Variants in KCNQ3 observed in about 807,000 individuals in gnomAD.
KCNQ3 encodes potassium voltage-gated channel subfamily Q member 3, also known as potassium voltage-gated channel subfamily KQT member 3.
A neutral mutation model predicts 92.5 loss-of-function variants in KCNQ3; 30 were observed. The observed-to-expected ratio is 0.32, with a 90% CI of 0.24 to 0.44. KCNQ3 has a LOEUF of 0.44. Ranked by LOEUF, KCNQ3 falls within the 20% of genes least tolerant of loss-of-function variation. The pLI is 1.00. For synonymous variants in KCNQ3, 450 were observed against 468.8 expected, an observed-to-expected ratio of 0.96 and a Z score of 0.52; for missense variants, 913 against 1,140.3, an observed-to-expected ratio of 0.80 and a Z score of 2.87.
intron 1 of KCNQ3, among the ~76,000 whole-genome samples, chr8:132,400,990 C>T (rs1820317089): frequency 6.6e-6 from 1 of 152,086 alleles, no homozygotes; most frequent in Non-Finnish European, 1.5e-5. Flanking sequence ...GAGGCCACAG[C>T]CAGCATTCAG....
At chr8:132,184,493 GA>G in intron 2 of KCNQ3, 126 bp from the exon 3 acceptor site, 14 of 715,898 alleles carry the variant, frequency 2.0e-5, no homozygotes, top group South Asian at 2.8e-5. Context: ...GGTTGGCAGG[GA>G]TGGCTGGGGA....
chr8:132,137,743 A>T lies in KCNQ3; in HGVS notation c.1700+142T>A, dbSNP rs987119005. The stretch of plus-strand genomic sequence containing the variant: ...CCGATCTGGTGCTTTGTTGGCCTAG[A>T]CATCCACAAGGCTTCGTGGATATTT... On this transcript the variant is annotated intron_variant, in intron 12 of 14. Coordinates refer to ENST00000388996, the MANE Select transcript of KCNQ3 (RefSeq NM_004519.4). 1.4e-5 allele frequency: 14 copies of T among 1,036,238 alleles called. No individual in the cohort carries two copies. In the Admixed American group the frequency reaches 1.7e-4, roughly 12 times the overall value. 64.2% of individuals were successfully genotyped at this position (1,036,238 alleles called of 1,614,324 possible).
At chr8:132,458,707 AG>A (rs1442601772) in intron 1 of KCNQ3, among the ~76,000 whole-genome samples, 7 of 152,336 alleles carry the variant, frequency 4.6e-5, no homozygotes, top group African/African-American at 1.7e-4. Flanking sequence ...CTCCCGCCTT[AG>A]CCTCCCAAAG....
At chr8:132,334,589 C>G (rs1797851618) in intron 1 of KCNQ3, among the ~76,000 whole-genome samples, 1 of 152,246 alleles carries the variant, frequency 6.6e-6, no homozygotes, top group Non-Finnish European at 1.5e-5. Context: ...CCTAAATGAT[C>G]TCCCCACAGT....
chr8:132,267,899 A>G (rs1294979325), intron 1 of KCNQ3, among the ~76,000 whole-genome samples: 1 of 152,188 alleles, frequency 6.6e-6, no homozygotes, highest in Non-Finnish European at 1.5e-5. Flanking sequence ...CTAGCATGGC[A>G]CAATTGTTAC....
intron 1 of KCNQ3, among the ~76,000 whole-genome samples, chr8:132,379,249 G>T (rs1214673475): frequency 6.6e-6 from 1 of 152,120 alleles, no homozygotes; most frequent in Non-Finnish European, 1.5e-5. Flanking sequence ...CACATTACAT[G>T]GATTGTCTCA....
At position 132,477,145 on chromosome 8, in the gene KCNQ3, G is replaced by A. The variant is rs1480894044; in HGVS notation, c.386+3002C>T. 5.9e-5 allele frequency among the ~76,000 whole-genome samples: 9 copies of A among 152,122 alleles called. No homozygotes were observed. In the South Asian group the frequency reaches 1.0e-3, roughly 18 times the overall value. ...ACCCCTTCCCACCTCCGCCAGCCAC[G>A]CAGAACTGTGAAACAATTAAACTTC... is the stretch of plus-strand genomic sequence containing the variant. On this transcript the variant is annotated intron_variant, in intron 1 of 14. Coordinates refer to ENST00000388996, the MANE Select transcript of KCNQ3 (RefSeq NM_004519.4).
chr8:132,182,075 A>G (rs1434011510), intron 3 of KCNQ3, among the ~76,000 whole-genome samples: 1 of 151,812 alleles, frequency 6.6e-6, no homozygotes, highest in Non-Finnish European at 1.5e-5. Flanking sequence ...AAAACAAAAA[A>G]AAAACACCAA....
chr8:132,409,965 T>G (rs1031577000), intron 1 of KCNQ3, among the ~76,000 whole-genome samples: 1 of 152,168 alleles, frequency 6.6e-6, no homozygotes, highest in Admixed American at 6.5e-5. Flanking sequence ...AAATCTTATT[T>G]TTTAAATGAT....
chr8:132,450,698 G>A (rs139740769), intron 1 of KCNQ3, among the ~76,000 whole-genome samples: 1 of 152,314 alleles, frequency 6.6e-6, no homozygotes, highest in Admixed American at 6.5e-5. Context: ...CCAGAGTCAG[G>A]CCCAATGCAG....
chr8:132,261,713 T>C (rs1019778592), intron 1 of KCNQ3, among the ~76,000 whole-genome samples: 1 of 152,152 alleles, frequency 6.6e-6, no homozygotes, highest in African/African-American at 2.4e-5. Context: ...ACTGTGCATC[T>C]CCATGTTTTC....
chr8:132,275,540 A>G (rs1816297423), intron 1 of KCNQ3, among the ~76,000 whole-genome samples: 1 of 150,498 alleles, frequency 6.6e-6, no homozygotes, highest in Non-Finnish European at 1.5e-5. Flanking sequence ...CCCAAAACGC[A>G]CCTCATGGGA....
intron 1 of KCNQ3, among the ~76,000 whole-genome samples, chr8:132,238,190 G>C (rs1814876663): frequency 6.6e-6 from 1 of 152,118 alleles, no homozygotes; most frequent in Non-Finnish European, 1.5e-5. Context: ...AACAGACTCG[G>C]CGGAGGGGGT....
intron 1 of KCNQ3, among the ~76,000 whole-genome samples, chr8:132,406,523 GCA>G (rs1019034762): frequency 6.8e-6 from 1 of 147,962 alleles, no homozygotes; most frequent in Non-Finnish European, 1.5e-5. Context: ...CAGCACAAAT[GCA>G]CACACACAGA....
intron 1 of KCNQ3, among the ~76,000 whole-genome samples, chr8:132,212,954 T>A (rs968473306): frequency 3.3e-5 from 5 of 152,180 alleles, no homozygotes; most frequent in African/African-American, 9.7e-5. Context: ...CTTCTTCCAG[T>A]CACACCAGGA....
chr8:132,455,496 G>A lies in KCNQ3; in HGVS notation c.386+24651C>T, dbSNP rs1043592977. 2.6e-5 allele frequency among the ~76,000 whole-genome samples: 4 copies of A among 152,174 alleles called. No individual in the cohort carries two copies. The South Asian group carries it at 8.3e-4, about 32-fold the overall frequency. ...ATAAGAGGCCTATGCTTCTTCTTGG[G>A]TGCCCCAGTATTACTCCCTGTACCT... On this transcript the variant is annotated intron_variant, in intron 1 of 14. Transcript: ENST00000388996.
intron 1 of KCNQ3, among the ~76,000 whole-genome samples, chr8:132,350,893 A>AT (rs1018461545): frequency 7.2e-5 from 11 of 151,756 alleles, no homozygotes; most frequent in Admixed American, 2.6e-4. Flanking sequence ...AGAGAGAGGA[A>AT]TTTTTTTTTA....
intron 1 of KCNQ3, among the ~76,000 whole-genome samples, chr8:132,436,415 T>C (rs1479980915): frequency 6.6e-6 from 1 of 152,222 alleles, no homozygotes; most frequent in Non-Finnish European, 1.5e-5. Context: ...TACCTCAAGT[T>C]CTTTTGAATT....
At chr8:132,327,402 G>C (rs1217688734) in intron 1 of KCNQ3, among the ~76,000 whole-genome samples, 2 of 152,196 alleles carry the variant, frequency 1.3e-5, no homozygotes, top group Non-Finnish European at 2.9e-5. Flanking sequence ...GAGGCTCAGA[G>C]AGATCAAGTA....
Sources: allele counts gnomAD v4.1 joint callset (sites outside exome capture counted in the v4.1 genomes callset), GRCh38; gene constraint gnomAD v4.1.1; transcripts MANE v1.5; gene names NCBI Gene and HGNC (gene_info 2026-07-23, HGNC 2026-07-21).